HEMK2: variants seen among roughly 807,000 people sequenced by gnomAD.
The protein encoded by HEMK2 is methyltransferase HEMK2.
chr21:28,885,317 A>C, the HEMK2 span: 1 of 1,588,174 alleles, frequency 6.3e-7, no homozygotes, highest in Non-Finnish European at 8.6e-7. Flanking sequence ...GTGCCCGTGG[A>C]ACGGCGTAGC....
At chr21:28,856,869 G>C in the HEMK2 span, among the ~76,000 whole-genome samples, 1 of 152,228 alleles carries the variant, frequency 6.6e-6, no homozygotes, top group African/African-American at 2.4e-5. Context: ...CCCAGCAGCT[G>C]CTCAGGCATG....
At chr21:28,738,804 A>T in the HEMK2 span, among the ~76,000 whole-genome samples, 1 of 152,344 alleles carries the variant, frequency 6.6e-6, no homozygotes, top group Admixed American at 6.5e-5. Flanking sequence ...TCCACATTTA[A>T]ATGCATTCAT....
the HEMK2 span, among the ~76,000 whole-genome samples, chr21:28,658,916 A>G: frequency 2.1e-4 from 32 of 152,128 alleles, no homozygotes; most frequent in African/African-American, 7.5e-4. Context: ...CTGCCCTCCA[A>G]TATATTAGCT....
the HEMK2 span, among the ~76,000 whole-genome samples, chr21:28,843,673 A>T: frequency 6.6e-6 from 1 of 152,300 alleles, no homozygotes. Flanking sequence ...TCTTGATTAA[A>T]CATGAAATTT....
chr21:28,732,092 C>T, the HEMK2 span, among the ~76,000 whole-genome samples: 5 of 152,172 alleles, frequency 3.3e-5, no homozygotes, highest in East Asian at 1.9e-4. Flanking sequence ...TGTTCTAGGA[C>T]GCAGGCTAAA....
the HEMK2 span, among the ~76,000 whole-genome samples, chr21:28,669,978 T>C: frequency 2.0e-5 from 3 of 152,200 alleles, no homozygotes; most frequent in Non-Finnish European, 2.9e-5. Flanking sequence ...AGTATTCTCA[T>C]CTGAATTCAC....
chr21:28,661,614 C>G, the HEMK2 span, among the ~76,000 whole-genome samples: 273 of 152,040 alleles, frequency 1.8e-3, 1 homozygote, highest in African/African-American at 6.3e-3. Flanking sequence ...TGCTGAGTCT[C>G]TTGTATTTCA....
At chr21:28,622,074 G>C in the HEMK2 span, among the ~76,000 whole-genome samples, 1 of 151,812 alleles carries the variant, frequency 6.6e-6, no homozygotes, top group African/African-American at 2.4e-5. Flanking sequence ...GTATGTCTTT[G>C]CACGTGAGAT....
the HEMK2 span, among the ~76,000 whole-genome samples, chr21:28,590,564 AG>A: frequency 6.6e-5 from 10 of 152,238 alleles, no homozygotes; most frequent in Admixed American, 3.3e-4. Flanking sequence ...GAAATTTGGA[AG>A]GAATTAAAAA....
At chr21:28,779,859 T>C in the HEMK2 span, among the ~76,000 whole-genome samples, 1 of 152,168 alleles carries the variant, frequency 6.6e-6, no homozygotes, top group East Asian at 1.9e-4. Flanking sequence ...CAAAAAGAGT[T>C]TATTGTAAGA....
At chr21:28,800,212 A>G in the HEMK2 span, among the ~76,000 whole-genome samples, 3 of 152,308 alleles carry the variant, frequency 2.0e-5, no homozygotes, top group African/African-American at 7.2e-5. Context: ...GTTTTAAAGC[A>G]GTGGTGCTTA....
the HEMK2 span, among the ~76,000 whole-genome samples, chr21:28,830,301 G>GT: frequency 1.3e-5 from 2 of 152,094 alleles, no homozygotes; most frequent in Admixed American, 6.6e-5. Flanking sequence ...TCTTGCGATA[G>GT]TAAGTTCTCA....
chr21:28,753,841 G>A, the HEMK2 span, among the ~76,000 whole-genome samples: 5 of 152,128 alleles, frequency 3.3e-5, no homozygotes, highest in African/African-American at 1.2e-4. Flanking sequence ...ACGTGCACAC[G>A]CAATGCCCTC....
chr21:28,803,696 C>T, the HEMK2 span, among the ~76,000 whole-genome samples: 2 of 152,198 alleles, frequency 1.3e-5, no homozygotes, highest in South Asian at 2.1e-4. Context: ...TCTCTCCTCC[C>T]GTTTACACCC....
chr21:28,658,483 A>G, the HEMK2 span, among the ~76,000 whole-genome samples: 3 of 152,012 alleles, frequency 2.0e-5, no homozygotes, highest in Non-Finnish European at 2.9e-5. Flanking sequence ...AATTGCCCTA[A>G]AATAGAGCTG....
the HEMK2 span, among the ~76,000 whole-genome samples, chr21:28,661,719 C>T: frequency 1.0e-3 from 152 of 152,246 alleles, no homozygotes; most frequent in Middle Eastern, 3.4e-3. Flanking sequence ...TGGAACTTTA[C>T]GTGATGACAG....
chr21:28,647,584 T>C, the HEMK2 span, among the ~76,000 whole-genome samples: 57 of 151,264 alleles, frequency 3.8e-4, no homozygotes, highest in African/African-American at 1.3e-3. Flanking sequence ...CCACCCAACG[T>C]CACCTCCCTA....
At chr21:28,851,147 CTG>C in the HEMK2 span, among the ~76,000 whole-genome samples, 2 of 152,136 alleles carry the variant, frequency 1.3e-5, no homozygotes, top group African/African-American at 4.8e-5. Context: ...AGGCCAAGAA[CTG>C]TTTCTCAAAA....
the HEMK2 span, among the ~76,000 whole-genome samples, chr21:28,599,216 G>A: frequency 6.6e-6 from 1 of 152,350 alleles, no homozygotes; most frequent in African/African-American, 2.4e-5. Context: ...TGGTGAAGTA[G>A]TGTTGTATTA....
Sources: gnomAD v4.1 joint callset for allele counts (sites outside exome capture counted in the v4.1 genomes callset) on GRCh38, gnomAD v4.1.1 for gene constraint, MANE v1.5 for transcripts, NCBI Gene and HGNC (gene_info 2026-07-23, HGNC 2026-07-21) for gene names.